The following ADGRD1 variants were observed in gnomAD, a reference collection of about 807,000 sequenced individuals.
ADGRD1 encodes G-protein coupled receptor 133.
In ADGRD1, 77 loss-of-function variants were observed where a neutral mutation model predicts 113.4. That is an observed-to-expected ratio of 0.68 (90% CI 0.57 to 0.82). ADGRD1 has a LOEUF of 0.82. Ranked by LOEUF, ADGRD1 falls within the 40% of genes least tolerant of loss-of-function variation. ADGRD1 has a pLI of 0.00. For synonymous variants in ADGRD1, 474 were observed against 475.0 expected, an observed-to-expected ratio of 1.00 and a Z score of 0.03; for missense variants, 1,036 against 1,139.1, an observed-to-expected ratio of 0.91 and a Z score of 1.30.
intron 13 of ADGRD1, among the ~76,000 whole-genome samples, chr12:131,076,234 CAGAAGCTCT>C (rs1885595884): frequency 6.6e-6 from 1 of 152,200 alleles, no homozygotes. Flanking sequence ...GTGAATGAGA[CAGAAGCTCT>C]ATCCTTTCTG....
chr12:131,129,544 G>T (rs1950856306), intron 20 of ADGRD1, among the ~76,000 whole-genome samples: 1 of 151,718 alleles, frequency 6.6e-6, no homozygotes, highest in Non-Finnish European at 1.5e-5. Flanking sequence ...TGGACGTTCA[G>T]GTTGTTTCCA....
At position 130,954,987 on chromosome 12, in the gene ADGRD1, C is replaced by CT. The variant is rs1470632938; in HGVS notation, c.103+332dup. 6.9e-6 allele frequency among the ~76,000 whole-genome samples: 1 copy of CT among 145,276 alleles called. No homozygotes were observed. Among genetic ancestry groups the CT allele is most frequent in the African/African-American group, 2.8e-5 (1 of 35,318 alleles). ...TCTTTCTTCCTTTCTTCCTTTTTTT[C>CT]TTTTTGAGATGGAGTCTTGCTCTGT... On this transcript the variant is annotated intron_variant, in intron 2 of 24. Coordinates refer to ENST00000261654, the MANE Select transcript of ADGRD1 (RefSeq NM_198827.5). This position sits in a 1 kb window ranked among gnomAD's most constrained non-coding sequence, Gnocchi z 4.7.
At chr12:130,961,332 GGAT>G (rs1185257699) in intron 2 of ADGRD1, among the ~76,000 whole-genome samples, 2 of 152,100 alleles carry the variant, frequency 1.3e-5, no homozygotes, top group Non-Finnish European at 2.9e-5. Context: ...CATTACATAT[GGAT>G]GATAAATTAT....
intron 13 of ADGRD1, among the ~76,000 whole-genome samples, chr12:131,034,751 C>T (rs1388626666): frequency 1.3e-5 from 2 of 152,186 alleles, no homozygotes; most frequent in African/African-American, 4.8e-5. Flanking sequence ...ATGTGTCCCC[C>T]AGCTCTGGAG....
chr12:131,047,313 G>A (rs1223688713), intron 13 of ADGRD1, among the ~76,000 whole-genome samples: 2 of 152,192 alleles, frequency 1.3e-5, no homozygotes, highest in Non-Finnish European at 2.9e-5. Context: ...GGTGATCCAC[G>A]GCGAGGAGAC....
intron 3 of ADGRD1, chr12:130,969,951 G>A (rs1222219692): frequency 1.3e-5 from 2 of 152,164 alleles, no homozygotes; most frequent in Admixed American, 6.5e-5. Flanking sequence ...GGGAGGAAAA[G>A]CATGCCATTT....
At chr12:131,119,233 TGA>T (rs1350314694) in intron 19 of ADGRD1, among the ~76,000 whole-genome samples, 11 of 152,254 alleles carry the variant, frequency 7.2e-5, no homozygotes, top group African/African-American at 2.4e-4. Context: ...AGCTTCAGAA[TGA>T]GATAATAGTA....
At chr12:131,094,582 G>A (rs1343284603) in intron 15 of ADGRD1, among the ~76,000 whole-genome samples, 3 of 151,656 alleles carry the variant, frequency 2.0e-5, no homozygotes, top group East Asian at 2.0e-4. Flanking sequence ...GTTCAGCAGC[G>A]CCCCCCCGAC....
At chr12:131,103,224 G>A (rs371863914) in intron 15 of ADGRD1, among the ~76,000 whole-genome samples, 73 of 152,374 alleles carry the variant, frequency 4.8e-4, no homozygotes, top group South Asian at 8.3e-4. Context: ...TCCCTGAGCC[G>A]GAGAGCACAA....
At chr12:131,119,538 C>G (rs747103782) in intron 19 of ADGRD1, among the ~76,000 whole-genome samples, 1 of 152,200 alleles carries the variant, frequency 6.6e-6, no homozygotes, top group Non-Finnish European at 1.5e-5. Flanking sequence ...GACCGTAATA[C>G]AAGCCTTTTC....
chr12:131,082,885 C>T (rs1249629808), intron 14 of ADGRD1, among the ~76,000 whole-genome samples: 1 of 152,200 alleles, frequency 6.6e-6, no homozygotes, highest in Non-Finnish European at 1.5e-5. Flanking sequence ...TGAAAATCAC[C>T]ACTGAACTGC....
intron 24 of ADGRD1, 60 bp downstream of exon 24, chr12:131,138,289 G>A (rs958198870): frequency 7.1e-6 from 10 of 1,405,040 alleles, no homozygotes; most frequent in African/African-American, 4.2e-5. Context: ...AGGCTCGGTT[G>A]TCAGCAGGAT....
chr12:131,088,978 G>A (rs907160894), intron 15 of ADGRD1, among the ~76,000 whole-genome samples: 11 of 152,242 alleles, frequency 7.2e-5, no homozygotes, highest in African/African-American at 2.6e-4. Context: ...CCTCATTTCC[G>A]ACAAGGCCCG....
intron 13 of ADGRD1, among the ~76,000 whole-genome samples, chr12:131,031,102 C>T (rs188610091): frequency 3.2e-4 from 49 of 152,284 alleles, no homozygotes; most frequent in Non-Finnish European, 5.6e-4. Flanking sequence ...CACTGGGCCC[C>T]GGGGAGCCAG....
At chr12:131,117,825 G>A (rs1950504726) in intron 18 of ADGRD1, among the ~76,000 whole-genome samples, 1 of 152,224 alleles carries the variant, frequency 6.6e-6, no homozygotes, top group African/African-American at 2.4e-5. Context: ...AGTCCCAGCT[G>A]ATCTCACACC....
chr12:131,132,373 T>G (rs1208762777), intron 21 of ADGRD1, among the ~76,000 whole-genome samples: 1 of 152,038 alleles, frequency 6.6e-6, no homozygotes, highest in East Asian at 1.9e-4. Flanking sequence ...ATCGGGGGTG[T>G]CCTGACCTGC....
chr12:131,103,719 A>G lies in ADGRD1; in HGVS notation c.1672-1112A>G, dbSNP rs1950153575. ...AGGCATTTAGACTCCCCCTACCCGC[A>G]TGCCACAGGAGGAAGCTGGAGGCAG... On this transcript the variant is annotated intron_variant, in intron 15 of 24. Coordinates refer to ENST00000261654, the MANE Select transcript of ADGRD1 (RefSeq NM_198827.5). Among the ~76,000 whole-genome samples the G allele has an allele frequency of 2.0e-5, 3 of 152,082 alleles. No individual in the cohort carries two copies. The South Asian group carries it at 6.2e-4, about 32-fold the overall frequency.
chr12:130,977,385 T>C (rs1373950175), intron 4 of ADGRD1: 1 of 151,812 alleles, frequency 6.6e-6, no homozygotes, highest in South Asian at 2.1e-4. Flanking sequence ...GGGGTGGGGG[T>C]GTGGAGTGAG....
chr12:131,105,736 C>T lies in ADGRD1; in HGVS notation c.1776-18C>T, dbSNP rs1566114710. 2 of 1,592,816 alleles carry T rather than the reference C, an allele frequency of 1.3e-6. No individual in the cohort carries two copies. The highest frequency in any genetic ancestry group is 2.2e-5 in the East Asian group (1 of 44,736). ...GTCGGCGCAGGGCCCAGGCCTCACA[C>T]CCTGCCTCTGTCCTCAGCTCCGTGA... is the stretch of plus-strand genomic sequence containing the variant. On this transcript the variant is annotated intron_variant, in intron 16 of 24. Coordinates refer to ENST00000261654, the MANE Select transcript of ADGRD1 (RefSeq NM_198827.5).
Sources: gnomAD v4.1 joint callset for allele counts (sites outside exome capture counted in the v4.1 genomes callset) on GRCh38, gnomAD v4.1.1 for gene constraint, Gnocchi (gnomAD v3.1) non-coding constraint, MANE v1.5 for transcripts, NCBI Gene and HGNC (gene_info 2026-07-23, HGNC 2026-07-21) for gene names.